The following TRMU variants were observed in gnomAD, a reference collection of about 807,000 sequenced individuals.
TRMU encodes the protein mitochondrial tRNA-specific 2-thiouridylase 1.
TRMU carries 49 observed loss-of-function variants against 46.9 expected under a neutral mutation model. The observed-to-expected ratio is 1.05, with a 90% CI of 0.83 to 1.33. The LOEUF is 1.33. Ranked by LOEUF, TRMU falls within the 40% of genes most tolerant of loss-of-function variation. The pLI is 0.00. For synonymous variants in TRMU, 241 were observed against 200.9 expected, an observed-to-expected ratio of 1.20 and a Z score of -1.69; for missense variants, 572 against 532.4, an observed-to-expected ratio of 1.07 and a Z score of -0.73.
intron 2 of TRMU, 53 bp downstream of exon 2, chr22:46,337,997 A>G: frequency 1.2e-6 from 2 of 1,611,386 alleles, no homozygotes; most frequent in South Asian, 1.1e-5. Flanking sequence ...GGATCCTTGC[A>G]GTGGAAGGAT....
At position 46,346,444 on chromosome 22, in the gene TRMU, T is replaced by C; in HGVS notation, c.378T>C (p.Gly126=). Residue 126 remains glycine (G), a synonymous_variant, in exon 4 of 11, where the codon GGT becomes GGC. Transcript: ENST00000645190. ...CAGGGGCAGATGCCATTGCCACAGG[T>C]CACTATGCAAGAACTTCCCTGGAAG... ...DNLGADAIAT[G]HYARTSLEDE... is the part of the protein sequence containing the mutation. 2 of 1,613,406 alleles carry C rather than the reference T, an allele frequency of 1.2e-6. No homozygotes were observed. The highest frequency in any genetic ancestry group is 1.7e-6 in the Non-Finnish European group (2 of 1,179,516).
chr22:46,342,028 T>G lies in TRMU; in HGVS notation c.249-1234T>G, dbSNP rs906503415. 6.6e-6 allele frequency among the ~76,000 whole-genome samples: 1 copy of G among 151,420 alleles called. No homozygotes were observed. Reference sequence around the variant, plus strand: ...GCTTCTGTGACAAAGGTGTGGGGGGTTTTCCCCATACAGCAAGCAGTGGAC... The same window carrying G: ...GCTTCTGTGACAAAGGTGTGGGGGGGTTTCCCCATACAGCAAGCAGTGGAC... On this transcript the variant is annotated intron_variant, in intron 2 of 10. Transcript: ENST00000645190. The surrounding 1 kb of genome is among the most constrained non-coding windows in gnomAD (Gnocchi z 4.7).
chr22:46,351,446 G>A lies in TRMU; in HGVS notation c.652-675G>A, dbSNP rs568180672. Reference sequence around the variant, plus strand: ...TTCAGGGGCCAGTGCGGTGGGAGCTGTTGCTCCTTCGTGTCTCTTCCTGGT... The same window carrying A: ...TTCAGGGGCCAGTGCGGTGGGAGCTATTGCTCCTTCGTGTCTCTTCCTGGT... On this transcript the variant is annotated intron_variant, in intron 5 of 10. Coordinates refer to ENST00000645190, the MANE Select transcript of TRMU (RefSeq NM_018006.5). The surrounding 1 kb of genome is among the most constrained non-coding windows in gnomAD (Gnocchi z 6.4). Among the ~76,000 whole-genome samples the A allele has an allele frequency of 1.3e-5, 2 of 151,770 alleles. No individual in the cohort carries two copies. The highest frequency in any genetic ancestry group is 2.9e-5 in the Non-Finnish European group (2 of 68,018).
intron 7 of TRMU, chr22:46,352,837 G>A (rs2078475400): frequency 7.6e-6 from 2 of 264,520 alleles, no homozygotes. Context: ...GGTGTCAGGG[G>A]ACAGGCTCCG....
rs12166685 is a variant in TRMU, at chr22:46,339,367, C to T, written c.248+1423C>T. On this transcript the variant is annotated intron_variant, in intron 2 of 10. Coordinates refer to ENST00000645190, the MANE Select transcript of TRMU (RefSeq NM_018006.5). The surrounding 1 kb of genome is among the most constrained non-coding windows in gnomAD (Gnocchi z 4.8). The stretch of plus-strand genomic sequence containing the variant: ...GTTTCGCCATGTTGGCCGGGCTAGT[C>T]TCAGACTCCTGACCTCAGAAGATCC... 6.1e-3 allele frequency among the ~76,000 whole-genome samples: 934 copies of T among 152,330 alleles called. 12 individuals carry two copies. Among genetic ancestry groups the T allele is most frequent in the African/African-American group, 0.021 (892 of 41,572 alleles).
intron 3 of TRMU, 75 bp from the exon 4 acceptor site, chr22:46,346,347 T>C: frequency 3.2e-6 from 5 of 1,557,472 alleles, no homozygotes; most frequent in Non-Finnish European, 4.4e-6. Flanking sequence ...TCTTCTTTTG[T>C]GCCTTGGTTT....
chr22:46,352,527 G>A (rs1204116825), intron 7 of TRMU, 197 bp downstream of exon 7: 10 of 658,190 alleles, frequency 1.5e-5, no homozygotes, highest in Non-Finnish European at 2.7e-5. Flanking sequence ...ACTTCCAGAT[G>A]TGGCCTCAGC....
Position 46,354,286 on chromosome 22 carries a change from A to G in TRMU, c.873+419A>G, listed in dbSNP as rs540565947. The G allele has an allele frequency of 7.0e-5, 19 of 269,728 alleles. 1 individual carries two copies. The highest frequency in any genetic ancestry group is 6.4e-4 in the South Asian group (16 of 25,116). The allele number at this position is 269,728 out of a possible 1,614,324, so 16.7% of individuals were successfully genotyped here. On this transcript the variant is annotated intron_variant, in intron 8 of 10. Coordinates refer to ENST00000645190, the MANE Select transcript of TRMU (RefSeq NM_018006.5). ...CCAGGATCAAACCAAGCCTTCCACCACAGTGGGGACCTTACCACTGTGACC... is the reference window on the plus strand; with the variant it reads ...CCAGGATCAAACCAAGCCTTCCACCGCAGTGGGGACCTTACCACTGTGACC...
chr22:46,355,420 C>G, intron 8 of TRMU, 24 bp from the exon 9 acceptor site: 1 of 1,611,696 alleles, frequency 6.2e-7, no homozygotes, highest in East Asian at 2.2e-5. Flanking sequence ...CTCGGCGTCC[C>G]CACCTTCACA....
chr22:46,356,803 C>T (rs2078624235), intron 10 of TRMU, 39 bp from the exon 11 acceptor site: 2 of 1,610,678 alleles, frequency 1.2e-6, no homozygotes, highest in Middle Eastern at 1.7e-4. Context: ...TCGGCTGGCT[C>T]CCTGTGGCAC....
At chr22:46,340,513 C>T (rs1048829162) in intron 2 of TRMU, among the ~76,000 whole-genome samples, 9 of 140,878 alleles carry the variant, frequency 6.4e-5, no homozygotes, top group East Asian at 1.9e-4. Context: ...AAATTAGGAG[C>T]GGAGCTGGGA....
chr22:46,336,909 A>C lies in TRMU; in HGVS notation c.83-870A>C, dbSNP rs1043718905. Among the ~76,000 whole-genome samples the C allele has an allele frequency of 2.6e-5, 4 of 152,214 alleles. No individual in the cohort carries two copies. Among genetic ancestry groups the C allele is most frequent in the African/African-American group, 9.6e-5 (4 of 41,528 alleles). On this transcript the variant is annotated intron_variant, in intron 1 of 10. Transcript: ENST00000645190. The surrounding 1 kb of genome is among the most constrained non-coding windows in gnomAD (Gnocchi z 4.1). ...CCCTCCCGGCACAGTCAGCAGTGCA[A>C]GCAGAATCACAGAGGCCTGCAAGTG...
rs182621708 is a variant in TRMU, at chr22:46,351,947, G to A, written c.652-174G>A. 645 of 768,972 alleles carry A rather than the reference G, an allele frequency of 8.4e-4. 12 individuals carry two copies. The East Asian group carries it at 0.015, about 18-fold the overall frequency. 47.6% of individuals were successfully genotyped at this position (768,972 alleles called of 1,614,324 possible). Reference sequence around the variant, plus strand: ...AGGCGTTCTCTAAGGCTCTGGCATCGTGTGCGCCGGCTGTGACTGGCGGCC... The same window carrying A: ...AGGCGTTCTCTAAGGCTCTGGCATCATGTGCGCCGGCTGTGACTGGCGGCC... On this transcript the variant is annotated intron_variant, in intron 5 of 10. Transcript: ENST00000645190. This position sits in a 1 kb window ranked among gnomAD's most constrained non-coding sequence, Gnocchi z 6.4.
chr22:46,346,573 A>G, intron 4 of TRMU, 29 bp downstream of exon 4: 1 of 1,601,832 alleles, frequency 6.2e-7, no homozygotes, highest in Non-Finnish European at 8.5e-7. Context: ...GTCAGAGCCA[A>G]ATTCTTGTGA....
rs1161362113 is a variant in TRMU, at chr22:46,342,705, TC to T, written c.249-555del. On this transcript the variant is annotated intron_variant, in intron 2 of 10. Transcript: ENST00000645190. This position sits in a 1 kb window ranked among gnomAD's most constrained non-coding sequence, Gnocchi z 4.7. The stretch of plus-strand genomic sequence containing the variant: ...AGGTGCGGTGGCTCACGCCTCTAAT[TC>T]CAGCATTTTGGGAGGCTGAGGCGGG... Among the ~76,000 whole-genome samples the T allele has an allele frequency of 6.6e-6, 1 of 152,170 alleles. No individual in the cohort carries two copies. The highest frequency in any genetic ancestry group is 1.5e-5 in the Non-Finnish European group (1 of 68,030).
In TRMU at chr22:46,338,882, G is replaced by T. The variant is rs2078049246; in HGVS notation, c.248+938G>T. On this transcript the variant is annotated intron_variant, in intron 2 of 10. Coordinates refer to ENST00000645190, the MANE Select transcript of TRMU (RefSeq NM_018006.5). This position sits in a 1 kb window ranked among gnomAD's most constrained non-coding sequence, Gnocchi z 4.5. ...GCCCCTGCCTGAGTGGGCTTTAGGG[G>T]CAGAAGAGCCTTGGGTTGAGTCCTG... is the stretch of plus-strand genomic sequence containing the variant. Among the ~76,000 whole-genome samples, 1 of 152,180 alleles carries T rather than the reference G, an allele frequency of 6.6e-6. No individual in the cohort carries two copies. The highest frequency in any genetic ancestry group is 2.1e-4 in the South Asian group (1 of 4,828).
At chr22:46,343,198 AC>A (rs1601948110) in intron 2 of TRMU, 63 bp from the exon 3 acceptor site, 3 of 1,074,814 alleles carry the variant, frequency 2.8e-6, no homozygotes, top group South Asian at 2.8e-5. Flanking sequence ...AATTTAGTGA[AC>A]TTTTTTTTTT....
Position 46,335,841 on chromosome 22 carries a change from GGA to G in TRMU, c.81_82del (p.Gly28LeufsTer16), listed in dbSNP as rs2077957664. On this transcript the variant is annotated frameshift_variant, in exon 1 of 11. Transcript: ENST00000645190. LOFTEE classifies it high-confidence loss of function. ...GCCGTGGCCGCGCTGCTGCTGAGGC[GGA>G]GAGGTGAGGCGTCCGAGGCTCCCGC... 1 of 1,548,772 alleles carries G rather than the reference GGA, an allele frequency of 6.5e-7. No individual in the cohort carries two copies.
In TRMU at chr22:46,343,371, A is replaced by C; in HGVS notation, c.355+3A>C. 6.2e-7 allele frequency: 1 copy of C among 1,610,964 alleles called. No individual in the cohort carries two copies. The highest frequency in any genetic ancestry group is 8.5e-7 in the Non-Finnish European group (1 of 1,177,272). On this transcript the variant is annotated splice_donor_region_variant and intron_variant, in intron 3 of 10. Transcript: ENST00000645190. Reference sequence around the variant, plus strand: ...TCATTATGCTGTGGATAATCTTGGTAAGTAATTTGGGTTTAAAACATTTTT... The same window carrying C: ...TCATTATGCTGTGGATAATCTTGGTCAGTAATTTGGGTTTAAAACATTTTT...
Sources: gnomAD v4.1 joint callset for allele counts (sites outside exome capture counted in the v4.1 genomes callset) on GRCh38, gnomAD v4.1.1 for gene constraint, Gnocchi (gnomAD v3.1) non-coding constraint, MANE v1.5 for transcripts, NCBI Gene and HGNC (gene_info 2026-07-23, HGNC 2026-07-21) for gene names.